Variants in MYOZ2 observed in about 807,000 individuals in gnomAD.
MYOZ2 encodes the protein myozenin 2.
MYOZ2 carries 19 observed loss-of-function variants against 25.4 expected under a neutral mutation model. That is an observed-to-expected ratio of 0.75 (90% CI 0.52 to 1.10). The LOEUF is 1.10. Ranked by LOEUF, MYOZ2 falls within the 50% of genes least tolerant of loss-of-function variation. The probability of loss-of-function intolerance (pLI) is 0.00; values close to 1 mark genes in which losing one functional copy is unlikely to be tolerated. For missense variants in MYOZ2, 270 were observed against 317.9 expected (o/e 0.85, Z 1.15); for synonymous variants, 92 against 106.9 (o/e 0.86, Z 0.86).
chr4:119,182,864 T>C (rs1342556070), intron 5 of MYOZ2, among the ~76,000 whole-genome samples: 1 of 152,174 alleles, frequency 6.6e-6, no homozygotes, highest in African/African-American at 2.4e-5. Flanking sequence ...CAAATGAAAT[T>C]GAATATGACT....
chr4:119,185,584 G>A (rs1742274633), intron 5 of MYOZ2, among the ~76,000 whole-genome samples: 2 of 152,158 alleles, frequency 1.3e-5, no homozygotes, highest in Non-Finnish European at 2.9e-5. Context: ...CAAAGTGCTG[G>A]GATTATGGGC....
chr4:119,175,570 G>A (rs1161988506), intron 5 of MYOZ2, among the ~76,000 whole-genome samples: 1 of 152,000 alleles, frequency 6.6e-6, no homozygotes, highest in East Asian at 1.9e-4. Context: ...TGGCCAACAT[G>A]GTGAAACTCT....
At chr4:119,148,130 T>C (rs1741350871) in intron 2 of MYOZ2, among the ~76,000 whole-genome samples, 1 of 152,196 alleles carries the variant, frequency 6.6e-6, no homozygotes, top group African/African-American at 2.4e-5. Context: ...GGATTCTGGG[T>C]TGACAATTCT....
chr4:119,174,884 G>A (rs1301191975), intron 5 of MYOZ2, among the ~76,000 whole-genome samples: 1 of 152,048 alleles, frequency 6.6e-6, no homozygotes, highest in East Asian at 1.9e-4. Context: ...CACTCCTGAA[G>A]CAGTGAGACC....
intron 3 of MYOZ2, among the ~76,000 whole-genome samples, chr4:119,151,741 G>A (rs930636130): frequency 6.6e-6 from 1 of 152,108 alleles, no homozygotes; most frequent in Non-Finnish European, 1.5e-5. Flanking sequence ...CAAATGGCTG[G>A]CGTGAAGAAT....
At chr4:119,157,468 T>C (rs1741606282) in intron 3 of MYOZ2, among the ~76,000 whole-genome samples, 1 of 152,214 alleles carries the variant, frequency 6.6e-6, no homozygotes, top group Admixed American at 6.5e-5. Flanking sequence ...AATTTTTCCT[T>C]TTGCAAGTCT....
At chr4:119,183,852 T>C (rs1742240905) in intron 5 of MYOZ2, among the ~76,000 whole-genome samples, 1 of 150,836 alleles carries the variant, frequency 6.6e-6, no homozygotes, top group Non-Finnish European at 1.5e-5. Context: ...TTCCCTCTTA[T>C]TGTCCAGGCT....
chr4:119,164,988 G>T (rs931083855), intron 5 of MYOZ2, among the ~76,000 whole-genome samples: 12 of 150,730 alleles, frequency 8.0e-5, no homozygotes, highest in African/African-American at 1.5e-4. Context: ...TAATTTCCAT[G>T]GATATTTTGA....
intron 5 of MYOZ2, among the ~76,000 whole-genome samples, chr4:119,165,164 T>C (rs904326032): frequency 2.6e-5 from 4 of 151,040 alleles, no homozygotes; most frequent in Admixed American, 1.3e-4. Flanking sequence ...AATTAATGAG[T>C]AAATTTTTTT....
At chr4:119,141,804 C>A (rs564586611) in intron 2 of MYOZ2, among the ~76,000 whole-genome samples, 13 of 152,180 alleles carry the variant, frequency 8.5e-5, no homozygotes, top group South Asian at 2.1e-4. Context: ...CGTTAAGAAC[C>A]TGTGCAAGGG....
In MYOZ2 at chr4:119,150,909, C is replaced by G. The variant is rs1741433554; in HGVS notation, c.114C>G (p.Ile38Met). Residue 38 changes from isoleucine to methionine, a missense_variant, in exon 3 of 6, where the codon ATC (isoleucine) becomes ATG (methionine). Ile to Met is a conservative substitution (Grantham distance 10). Coordinates refer to ENST00000307128, the MANE Select transcript of MYOZ2 (RefSeq NM_016599.5). Reference sequence around the variant, plus strand: ...TGGACCTGGGCAAAAAGGTCAGCATCCCCAGAGACATCATGTTGGAAGAAT... The same window carrying G: ...TGGACCTGGGCAAAAAGGTCAGCATGCCCAGAGACATCATGTTGGAAGAAT... ...DGMDLGKKVSIPRDIMLEELS... is the reference protein window; with the variant it reads ...DGMDLGKKVSMPRDIMLEELS... 4 of 1,613,772 alleles carry G rather than the reference C, an allele frequency of 2.5e-6. No individual in the cohort carries two copies. Among genetic ancestry groups the G allele is most frequent in the Middle Eastern group, 1.6e-4 (1 of 6,084 alleles).
intron 5 of MYOZ2, among the ~76,000 whole-genome samples, chr4:119,175,972 A>C (rs1420539386): frequency 6.6e-6 from 1 of 152,238 alleles, no homozygotes; most frequent in East Asian, 1.9e-4. Flanking sequence ...AAGTGAAGCA[A>C]TGTGTTCTGA....
intron 2 of MYOZ2, among the ~76,000 whole-genome samples, chr4:119,150,232 A>G (rs1450820536): frequency 6.6e-6 from 1 of 152,228 alleles, no homozygotes; most frequent in Non-Finnish European, 1.5e-5. Flanking sequence ...ATAAAACAAA[A>G]TCAAATATAT....
Position 119,186,762 on chromosome 4 carries a change from A to T in MYOZ2, c.*562A>T, listed in dbSNP as rs1324017166. ...CTTTGCACTTTTCAATATGTTTTGA[A>T]TCATTAGGTAATTTATTCTGGATGA... On this transcript the variant is annotated 3_prime_UTR_variant, in exon 6 of 6. Transcript: ENST00000307128. 1 of 152,750 alleles carries T rather than the reference A, an allele frequency of 6.5e-6. No individual in the cohort carries two copies. The highest frequency in any genetic ancestry group is 1.9e-4 in the East Asian group (1 of 5,204). 9.5% of individuals were successfully genotyped at this position (152,750 alleles called of 1,614,324 possible). A position where few individuals can be genotyped will look rare whatever the true frequency, so the allele number is the denominator to read the frequency against.
rs1313794639 is a variant in MYOZ2, at chr4:119,164,327, G to C, written c.493G>C (p.Ala165Pro). The change falls in exon 5 of 6, where the codon GCT becomes CCT. Residue 165 changes from alanine to proline, a missense_variant. Ala to Pro is a conservative substitution (Grantham distance 27). Coordinates refer to ENST00000307128, the MANE Select transcript of MYOZ2 (RefSeq NM_016599.5). ...AISNDPELLE[A>P]LYPKLFKPEG... ...TAGCAATGATCCGGAGCTTTTAGAG[G>C]CTTTATATCCTAAACTTTTCAAGCC... 1.9e-6 allele frequency: 3 copies of C among 1,614,074 alleles called. No individual in the cohort carries two copies. The East Asian group carries it at 6.7e-5, about 36-fold the overall frequency.
chr4:119,183,623 GT>G lies in MYOZ2; in HGVS notation c.561-2342del, dbSNP rs1448253068. 3.3e-5 allele frequency among the ~76,000 whole-genome samples: 5 copies of G among 152,078 alleles called. No homozygotes were observed. In the East Asian group the frequency reaches 9.6e-4, roughly 29 times the overall value. Reference sequence around the variant, plus strand: ...CCAGCCAGTTGCTAAAACTCTAAAGGTAGGAGTTTTCATTGATTTTTCTATT... The same window carrying G: ...CCAGCCAGTTGCTAAAACTCTAAAGGAGGAGTTTTCATTGATTTTTCTATT... On this transcript the variant is annotated intron_variant, in intron 5 of 5. Coordinates refer to ENST00000307128, the MANE Select transcript of MYOZ2 (RefSeq NM_016599.5).
At chr4:119,147,324 A>G (rs1219845878) in intron 2 of MYOZ2, among the ~76,000 whole-genome samples, 3 of 150,020 alleles carry the variant, frequency 2.0e-5, no homozygotes, top group Non-Finnish European at 3.0e-5. Context: ...TCATTTTGGT[A>G]TAGTGTTTTC....
chr4:119,175,751 T>TTA (rs763010192), intron 5 of MYOZ2, among the ~76,000 whole-genome samples: 251 of 143,060 alleles, frequency 1.8e-3, no homozygotes, highest in African/African-American at 5.5e-3. Context: ...GGCTCCATCT[T>TTA]AAAAAAAAAA....
chr4:119,157,567 A>G (rs1244437721), intron 3 of MYOZ2, among the ~76,000 whole-genome samples: 2 of 152,154 alleles, frequency 1.3e-5, no homozygotes, highest in African/African-American at 4.8e-5. Flanking sequence ...TAAACTTTCT[A>G]GACGTTAAAA....
Sources: gnomAD v4.1 joint callset for allele counts (sites outside exome capture counted in the v4.1 genomes callset) on GRCh38, gnomAD v4.1.1 for gene constraint, MANE v1.5 for transcripts, NCBI Gene and HGNC (gene_info 2026-07-23, HGNC 2026-07-21) for gene names.